The following IL12RB2 variants were observed in gnomAD, a reference collection of about 807,000 sequenced individuals.
IL12RB2 encodes interleukin 12 receptor subunit beta 2.
A neutral mutation model predicts 89.4 loss-of-function variants in IL12RB2; 82 were observed. The ratio of observed to expected loss-of-function variants is 0.92; its 90% CI spans 0.77 to 1.10. IL12RB2 has a LOEUF of 1.10. Among genes scored for constraint, IL12RB2 ranks in the 50% least tolerant of loss-of-function variants. The probability of loss-of-function intolerance (pLI) is 0.00; values close to 1 mark genes in which losing one functional copy is unlikely to be tolerated. For synonymous variants in IL12RB2, 368 were observed against 370.1 expected (o/e 0.99, Z 0.07); for missense variants, 963 against 1,031.9 (o/e 0.93, Z 0.92).
intron 10 of IL12RB2, among the ~76,000 whole-genome samples, chr1:67,360,400 A>G (rs189912510): frequency 1.3e-5 from 2 of 150,418 alleles, no homozygotes; most frequent in African/African-American, 4.9e-5. Flanking sequence ...CTGTCTCAGA[A>G]AGAAAAAAAA....
chr1:67,321,598 G>A lies in IL12RB2; in HGVS notation c.77-4G>A. On this transcript the variant is annotated splice_region_variant and splice_polypyrimidine_tract_variant and intron_variant, in intron 3 of 16. Coordinates refer to ENST00000674203, the MANE Select transcript of IL12RB2 (RefSeq NM_001374259.2). ...CTAAATATTGCATCTGTATCTTATT[G>A]CAGATGCGTGCAAGAGAGGCGATGT... 1.3e-6 allele frequency: 2 copies of A among 1,569,128 alleles called. No homozygotes were observed. The highest frequency in any genetic ancestry group is 1.1e-5 in the South Asian group (1 of 90,158).
At chr1:67,387,207 G>A (rs1360116514) in intron 15 of IL12RB2, among the ~76,000 whole-genome samples, 2 of 151,664 alleles carry the variant, frequency 1.3e-5, no homozygotes, top group Non-Finnish European at 1.5e-5. Flanking sequence ...TGGGATTACA[G>A]GTATGAGCCA....
chr1:67,379,911 G>A, intron 13 of IL12RB2, 75 bp from the exon 14 acceptor site: 2 of 1,127,526 alleles, frequency 1.8e-6, no homozygotes, highest in Non-Finnish European at 2.7e-6. Flanking sequence ...GCATTAAAGA[G>A]TAAGAATGAG....
intron 15 of IL12RB2, among the ~76,000 whole-genome samples, chr1:67,387,428 C>A (rs1256962072): frequency 2.6e-5 from 4 of 151,768 alleles, no homozygotes; most frequent in Non-Finnish European, 5.9e-5. Flanking sequence ...GCAGGCCGGG[C>A]ACAATGGCTC....
intron 4 of IL12RB2, 91 bp downstream of exon 4, chr1:67,321,980 A>G: frequency 9.4e-7 from 1 of 1,059,600 alleles, no homozygotes. Context: ...ACCCAAATAC[A>G]GGTTAATGTT....
At chr1:67,318,316 C>T (rs142397196) in intron 2 of IL12RB2, among the ~76,000 whole-genome samples, 12 of 152,218 alleles carry the variant, frequency 7.9e-5, no homozygotes, top group Admixed American at 3.9e-4. Flanking sequence ...AGTAGGGACC[C>T]GTTGAAGGGT....
At chr1:67,338,873 C>A in intron 9 of IL12RB2, 170 bp downstream of exon 9, 1 of 638,380 alleles carries the variant, frequency 1.6e-6, no homozygotes, top group Non-Finnish European at 2.9e-6. Flanking sequence ...GGGGTGAGAG[C>A]TGAGTTCCTT....
intron 4 of IL12RB2, among the ~76,000 whole-genome samples, chr1:67,323,437 G>A (rs918993301): frequency 5.3e-5 from 8 of 152,250 alleles, no homozygotes; most frequent in Non-Finnish European, 1.2e-4. Flanking sequence ...TCTGTATTAC[G>A]AAGATAATAA....
At chr1:67,321,986 A>G (rs1656600000) in intron 4 of IL12RB2, 97 bp downstream of exon 4, 2 of 1,026,654 alleles carry the variant, frequency 1.9e-6, no homozygotes, top group African/African-American at 1.6e-5. Flanking sequence ...ATACAGGTTA[A>G]TGTTCTTTCT....
chr1:67,312,476 G>T (rs1220619666), intron 1 of IL12RB2, among the ~76,000 whole-genome samples: 1 of 152,106 alleles, frequency 6.6e-6, no homozygotes, highest in African/African-American at 2.4e-5. Context: ...GGATAAAATA[G>T]TTCTCAGTAC....
At position 67,360,367 on chromosome 1, in the gene IL12RB2, C is replaced by T. The variant is rs1390120190; in HGVS notation, c.1259-7458C>T. Reference sequence around the variant, plus strand: ...TGAGCCAAGATGGCGCCACTGCACTCCAGCCCGGGTGACAGAGCAAGACTG... The same window carrying T: ...TGAGCCAAGATGGCGCCACTGCACTTCAGCCCGGGTGACAGAGCAAGACTG... On this transcript the variant is annotated intron_variant, in intron 10 of 16. Coordinates refer to ENST00000674203, the MANE Select transcript of IL12RB2 (RefSeq NM_001374259.2). 4.6e-5 allele frequency among the ~76,000 whole-genome samples: 7 copies of T among 150,990 alleles called. No individual in the cohort carries two copies. In the East Asian group the frequency reaches 1.4e-3, roughly 29 times the overall value.
chr1:67,394,559 A>G (rs1262491839), intron 16 of IL12RB2, among the ~76,000 whole-genome samples: 1 of 152,086 alleles, frequency 6.6e-6, no homozygotes, highest in African/African-American at 2.4e-5. Context: ...AAAGATGAAA[A>G]TTTCTTCTAA....
chr1:67,332,497 A>G (rs1289623334), intron 8 of IL12RB2, among the ~76,000 whole-genome samples: 1 of 152,160 alleles, frequency 6.6e-6, no homozygotes, highest in Non-Finnish European at 1.5e-5. Context: ...ATTACAGAAT[A>G]TATTTTAAAA....
chr1:67,381,173 T>C (rs1664527097), intron 14 of IL12RB2, among the ~76,000 whole-genome samples: 1 of 152,158 alleles, frequency 6.6e-6, no homozygotes, highest in Non-Finnish European at 1.5e-5. Context: ...TTACCCAAGG[T>C]CATGGAAGTG....
intron 11 of IL12RB2, 110 bp from the exon 12 acceptor site, chr1:67,372,326 G>A: frequency 2.6e-6 from 2 of 767,608 alleles, no homozygotes. Context: ...TTTAAACTAG[G>A]AAAAGGCAAG....
At chr1:67,347,517 C>A (rs1050557380) in intron 9 of IL12RB2, among the ~76,000 whole-genome samples, 1 of 152,230 alleles carries the variant, frequency 6.6e-6, no homozygotes, top group Non-Finnish European at 1.5e-5. Context: ...ACATTTACCA[C>A]ATTTTTAATG....
At chr1:67,328,538 AG>A (rs1657637138) in intron 6 of IL12RB2, among the ~76,000 whole-genome samples, 154 bp downstream of exon 6, 1 of 152,228 alleles carries the variant, frequency 6.6e-6, no homozygotes, top group Non-Finnish European at 1.5e-5. Context: ...TGCAAGTAAA[AG>A]GGTGCATTAT....
intron 16 of IL12RB2, among the ~76,000 whole-genome samples, chr1:67,391,875 C>A (rs182742136): frequency 6.6e-6 from 1 of 151,958 alleles, no homozygotes. Flanking sequence ...AATCTCCTGA[C>A]CTCGTGATCC....
rs542437707 is a variant in IL12RB2, at chr1:67,397,479, C to T, written c.*1390C>T. Among the ~76,000 whole-genome samples the T allele has an allele frequency of 4.6e-5, 7 of 152,294 alleles. No homozygotes were observed. Among genetic ancestry groups the T allele is most frequent in the East Asian group, 1.9e-4 (1 of 5,186 alleles). On this transcript the variant is annotated 3_prime_UTR_variant, in exon 17 of 17. Transcript: ENST00000674203. Reference sequence around the variant, plus strand: ...TTCCCAAAGGCACAGCTTTCATTCCCGGAGAAGATATTGAGCTGGTCCTCT... The same window carrying T: ...TTCCCAAAGGCACAGCTTTCATTCCTGGAGAAGATATTGAGCTGGTCCTCT...
Sources: gnomAD v4.1 joint callset for allele counts (sites outside exome capture counted in the v4.1 genomes callset) on GRCh38, gnomAD v4.1.1 for gene constraint, MANE v1.5 for transcripts, NCBI Gene and HGNC (gene_info 2026-07-23, HGNC 2026-07-21) for gene names.